Variants in SREK1 observed in about 807,000 individuals in gnomAD.
SREK1 encodes splicing regulatory glutamine/lysine-rich protein 1.
Under a neutral mutation model 66.5 loss-of-function variants are expected in SREK1, and 13 were observed. The ratio of observed to expected loss-of-function variants is 0.20; its 90% CI spans 0.13 to 0.31. The LOEUF is 0.31. Among genes scored for constraint, SREK1 ranks in the 10% least tolerant of loss-of-function variants. The pLI, the probability that SREK1 is intolerant of heterozygous loss-of-function variation, is 1.00. For synonymous variants in SREK1, 265 were observed against 263.5 expected, an observed-to-expected ratio of 1.01 and a Z score of -0.05; for missense variants, 607 against 769.6, an observed-to-expected ratio of 0.79 and a Z score of 2.50.
In SREK1 at chr5:66,170,615, C is replaced by G. The variant is rs372628083; in HGVS notation, c.1152C>G (p.Ile384Met). 35 of 1,601,078 alleles carry G rather than the reference C, an allele frequency of 2.2e-5. 1 individual carries two copies. In the African/African-American group the frequency reaches 4.7e-4, roughly 21 times the overall value. Reference protein sequence around the residue: ...RDKRKDTREKIKEKERVKEKD... With the variant: ...RDKRKDTREKMKEKERVKEKD... The stretch of plus-strand genomic sequence containing the variant: ...AGAGAAAAGACACTCGAGAAAAGAT[C>G]AAGGAAAAGGAAAGAGTGAAAGAGA... The change falls in exon 9 of 12, where the codon ATC (isoleucine) becomes ATG (methionine). Residue 384 changes from isoleucine to methionine, a missense_variant. Coordinates refer to ENST00000334121, the MANE Select transcript of SREK1 (RefSeq NM_001077199.3).
rs1481976079 is a variant in SREK1 at position 66,181,454 on chromosome 5, G to T, written c.*2586G>T. ...TTTTTTTAAATCCCAGGTAGATGTT[G>T]TCAGATAAACTTGAGGTAAGGCCAA... On this transcript the variant is annotated 3_prime_UTR_variant, in exon 12 of 12. Transcript: ENST00000334121. 2 of 152,220 alleles carry T rather than the reference G, an allele frequency of 1.3e-5. No individual in the cohort carries two copies. Among genetic ancestry groups the T allele is most frequent in the East Asian group, 3.9e-4 (2 of 5,186 alleles). The allele number at this position is 152,220 out of a possible 1,614,324, so 9.4% of individuals were successfully genotyped here. A position where few individuals can be genotyped will look rare whatever the true frequency, so the allele number is the denominator to read the frequency against.
chr5:66,167,483 C>T (rs905082924), intron 7 of SREK1: 29 of 152,224 alleles, frequency 1.9e-4, no homozygotes, highest in African/African-American at 6.5e-4. Flanking sequence ...TAAGATTTTG[C>T]ATTATTCAGA....
Position 66,167,835 on chromosome 5 carries a change from TAAAAC to T in SREK1, c.1002-2214_1002-2210del. The stretch of plus-strand genomic sequence containing the variant: ...AATTATATTTTTAGCAAGGACAACT[TAAAAC>T]AGAAATCTTATAGTAAGACTTTTTA... On this transcript the variant is annotated intron_variant, in intron 7 of 11. Coordinates refer to ENST00000334121, the MANE Select transcript of SREK1 (RefSeq NM_001077199.3). The T allele has an allele frequency of 2.0e-5, 3 of 152,310 alleles. No individual in the cohort carries two copies. In the Middle Eastern group the frequency reaches 0.01, roughly 518 times the overall value. The allele number at this position is 152,310 out of a possible 1,614,324, so 9.4% of individuals were successfully genotyped here.
rs745565429 is a variant in SREK1, at chr5:66,170,822, G to A, written c.1359G>A (p.Gln453=). 6.2e-7 allele frequency: 1 copy of A among 1,612,578 alleles called. No individual in the cohort carries two copies. The highest frequency in any genetic ancestry group is 8.5e-7 in the Non-Finnish European group (1 of 1,179,488). Residue 453 remains glutamine, a synonymous_variant, in exon 9 of 12, where the codon CAG becomes CAA. Transcript: ENST00000334121. ...GAGACAAAGAGAAGGAAAAGGAACA[G>A]GACAAAGAAAAGGAACGAGAAAAAG... ...KDRDKEKEKE[Q]DKEKEREKDR...
intron 5 of SREK1, chr5:66,163,106 C>G (rs1280513676): frequency 1.3e-5 from 2 of 152,028 alleles, no homozygotes; most frequent in Non-Finnish European, 2.9e-5. Context: ...ACCAGAAATT[C>G]TATTTCATGC....
intron 9 of SREK1, among the ~76,000 whole-genome samples, chr5:66,172,503 C>G (rs1415391198): frequency 6.6e-6 from 1 of 152,120 alleles, no homozygotes; most frequent in Admixed American, 6.5e-5. Context: ...TCACGTGATT[C>G]TTGTACCTCA....
chr5:66,183,338 A>G lies in SREK1; in HGVS notation c.*4470A>G, dbSNP rs1746649507. 6.6e-6 allele frequency: 1 copy of G among 152,196 alleles called. No individual in the cohort carries two copies. Among genetic ancestry groups the G allele is most frequent in the Admixed American group, 6.5e-5 (1 of 15,288 alleles). 9.4% of individuals were successfully genotyped at this position (152,196 alleles called of 1,614,324 possible). A position where few individuals can be genotyped will look rare whatever the true frequency, so the allele number is the denominator to read the frequency against. ...ACACTGTTGGGGAATAAACTAAAGAATTTCTGATTTCTACAATAGATTTAA... is the reference window on the plus strand; with the variant it reads ...ACACTGTTGGGGAATAAACTAAAGAGTTTCTGATTTCTACAATAGATTTAA... On this transcript the variant is annotated 3_prime_UTR_variant, in exon 12 of 12. Coordinates refer to ENST00000334121, the MANE Select transcript of SREK1 (RefSeq NM_001077199.3).
Position 66,144,427 on chromosome 5 carries a change from C to T in SREK1, c.51C>T (p.Pro17=), listed in dbSNP as rs1186966632. The T allele has an allele frequency of 2.3e-5, 35 of 1,551,582 alleles. 1 individual carries two copies. The highest frequency in any genetic ancestry group is 8.7e-7 in the Non-Finnish European group (1 of 1,146,998). The change falls in exon 1 of 12, where the codon CCC becomes CCT. Residue 17 remains proline, a synonymous_variant. Transcript: ENST00000334121. Reference sequence around the variant, plus strand: ...TGGGCTTAGGCTTCGGCCTCACCCCCACGTCGGTGATTCAGGTGACGAATC... The same window carrying T: ...TGGGCTTAGGCTTCGGCCTCACCCCTACGTCGGTGATTCAGGTGACGAATC... The part of the protein sequence containing the change: ...FGLGLGFGLT[P]TSVIQVTNLS...
Position 66,181,206 on chromosome 5 carries a change from AT to A in SREK1, c.*2339del, listed in dbSNP as rs1746455596. The A allele has an allele frequency of 6.6e-6, 1 of 152,232 alleles. No homozygotes were observed. Among genetic ancestry groups the A allele is most frequent in the Non-Finnish European group, 1.5e-5 (1 of 68,044 alleles). 9.4% of individuals were successfully genotyped at this position (152,232 alleles called of 1,614,324 possible). A position where few individuals can be genotyped will look rare whatever the true frequency, so the allele number is the denominator to read the frequency against. On this transcript the variant is annotated 3_prime_UTR_variant, in exon 12 of 12. Transcript: ENST00000334121. ...GAATACAAGAGATCTGGAGGAACAA[AT>A]CAGATTGTTATTAGGGTTTGACTTT...
At chr5:66,149,498 C>T (rs1182862393) in intron 1 of SREK1, among the ~76,000 whole-genome samples, 1 of 152,202 alleles carries the variant, frequency 6.6e-6, no homozygotes, top group Admixed American at 6.5e-5. Context: ...GGTGGCATGT[C>T]TTCAGATGTA....
At chr5:66,178,248 C>A (rs57556182) in intron 11 of SREK1, among the ~76,000 whole-genome samples, 2 of 151,972 alleles carry the variant, frequency 1.3e-5, no homozygotes, top group Admixed American at 1.3e-4. Flanking sequence ...TAAGCATTTA[C>A]GATGTGCCGG....
At chr5:66,177,811 A>T (rs572208502) in intron 11 of SREK1, among the ~76,000 whole-genome samples, 153 bp downstream of exon 11, 13 of 152,174 alleles carry the variant, frequency 8.5e-5, no homozygotes, top group Admixed American at 2.6e-4. Flanking sequence ...TTGGTAATTT[A>T]AAAAAACTAA....
intron 7 of SREK1, 124 bp downstream of exon 7, chr5:66,165,021 G>T (rs1580654896): frequency 1.2e-6 from 1 of 853,600 alleles, no homozygotes. Context: ...CTGAAGTGTG[G>T]TTACCTTTAA....
Position 66,170,665 on chromosome 5 carries a change from G to C in SREK1, c.1202G>C (p.Arg401Thr). 1 of 1,613,064 alleles carries C rather than the reference G, an allele frequency of 6.2e-7. No individual in the cohort carries two copies. The highest frequency in any genetic ancestry group is 8.5e-7 in the Non-Finnish European group (1 of 1,179,626). Residue 401 changes from arginine to threonine, a missense_variant, in exon 9 of 12, where the codon AGG becomes ACG. By Grantham distance (71) the Arg-to-Thr change is moderately conservative. Coordinates refer to ENST00000334121, the MANE Select transcript of SREK1 (RefSeq NM_001077199.3). ...KEKDREKERE[R>T]EKEREKEKER... Reference sequence around the variant, plus strand: ...AAAGACAGGGAAAAGGAGAGAGAGAGGGAAAAGGAACGTGAAAAAGAAAAG... The same window carrying C: ...AAAGACAGGGAAAAGGAGAGAGAGACGGAAAAGGAACGTGAAAAAGAAAAG...
chr5:66,173,796 G>C (rs1436780925), intron 9 of SREK1, among the ~76,000 whole-genome samples: 1 of 152,172 alleles, frequency 6.6e-6, no homozygotes, highest in African/African-American at 2.4e-5. Context: ...TTCTTAGGCT[G>C]AGCTGTTAAG....
chr5:66,159,571 A>T (rs1231852401), intron 3 of SREK1, among the ~76,000 whole-genome samples: 1 of 152,072 alleles, frequency 6.6e-6, no homozygotes, highest in Admixed American at 6.6e-5. Context: ...CCAATAGATT[A>T]TTCACTAGAA....
chr5:66,147,558 T>C (rs1052685136), intron 1 of SREK1, among the ~76,000 whole-genome samples: 2 of 152,178 alleles, frequency 1.3e-5, no homozygotes, highest in Non-Finnish European at 2.9e-5. Flanking sequence ...TTTGTAACAC[T>C]AGACATTTTT....
intron 2 of SREK1, chr5:66,157,719 A>T: frequency 1.1e-6 from 1 of 948,998 alleles, no homozygotes; most frequent in Non-Finnish European, 1.3e-6. Flanking sequence ...AATAATAAAG[A>T]TAACTTTGTT....
intron 1 of SREK1, among the ~76,000 whole-genome samples, chr5:66,147,300 A>G (rs1743325307): frequency 6.6e-6 from 1 of 152,218 alleles, no homozygotes; most frequent in Non-Finnish European, 1.5e-5. Context: ...TTTTTGCACA[A>G]TAAATCAATC....
Sources: gnomAD v4.1 joint callset for allele counts (sites outside exome capture counted in the v4.1 genomes callset) on GRCh38, gnomAD v4.1.1 for gene constraint, MANE v1.5 for transcripts, NCBI Gene and HGNC (gene_info 2026-07-23, HGNC 2026-07-21) for gene names.